The following DOK7 variants were observed in gnomAD, a reference collection of about 807,000 sequenced individuals.
DOK7 encodes protein Dok-7.
In DOK7, 32 loss-of-function variants were observed where a neutral mutation model predicts 30.7. That is an observed-to-expected ratio of 1.04 (90% CI 0.79 to 1.40). The LOEUF is 1.40. Among genes scored for constraint, DOK7 ranks in the 40% most tolerant of loss-of-function variants. The pLI is 0.00. For missense variants in DOK7, 1,007 were observed against 699.2 expected (o/e 1.44, Z -4.97); for synonymous variants, 447 against 324.1 (o/e 1.38, Z -4.07).
intron 2 of DOK7, among the ~76,000 whole-genome samples, chr4:3,468,809 TG>T (rs2109325280): frequency 6.7e-6 from 1 of 148,498 alleles, no homozygotes; most frequent in South Asian, 2.2e-4. Flanking sequence ...TGTGTGTGCC[TG>T]TGTGTGTATG....
At chr4:3,485,759 G>A in intron 5 of DOK7, 101 bp downstream of exon 5, 2 of 1,341,958 alleles carry the variant, frequency 1.5e-6, no homozygotes, top group Admixed American at 3.6e-5. Flanking sequence ...CAGTTAGATG[G>A]CCAGCCTCCC....
chr4:3,488,673 C>G (rs1055712838), intron 5 of DOK7, among the ~76,000 whole-genome samples: 9 of 152,220 alleles, frequency 5.9e-5, no homozygotes, highest in Non-Finnish European at 1.3e-4. Flanking sequence ...GTCCTTGGAC[C>G]TGTTTCGGCT....
intron 5 of DOK7, 95 bp from the exon 6 acceptor site, chr4:3,489,581 AG>A: frequency 1.3e-6 from 2 of 1,542,724 alleles, no homozygotes; most frequent in Non-Finnish European, 1.8e-6. Context: ...CACTCCACAG[AG>A]GGGGATAACC....
rs535066859 is a variant in DOK7, at chr4:3,499,914, C to T, written c.1109-337C>T. On this transcript the variant is annotated intron_variant, in intron 6 of 7. Transcript: ENST00000643608. ...GTTGGTGGAGAGAGTTGGGAAGGTGCGGGGCGAGGGGCGCAGGGACAGAAG... is the reference window on the plus strand; with the variant it reads ...GTTGGTGGAGAGAGTTGGGAAGGTGTGGGGCGAGGGGCGCAGGGACAGAAG... Among the ~76,000 whole-genome samples, 36 of 148,522 alleles carry T rather than the reference C, an allele frequency of 2.4e-4. No individual in the cohort carries two copies. In the East Asian group the frequency reaches 5.6e-3, roughly 23 times the overall value.
downstream of DOK7, among the ~76,000 whole-genome samples, chr4:3,494,689 G>A (rs113523675): frequency 0.023 from 3,525 of 152,334 alleles, 69 homozygotes; most frequent in Non-Finnish European, 0.032. Flanking sequence ...GGGCTGGGAT[G>A]TGCATGTGTG....
chr4:3,463,527 C>T lies in DOK7; in HGVS notation c.76C>T (p.Leu26=). The change falls in exon 2 of 7, where the codon CTG becomes TTG. Residue 26 remains leucine (L), a synonymous_variant. Coordinates refer to ENST00000340083, the MANE Select transcript of DOK7 (RefSeq NM_173660.5). ...GKKWKSRWLV[L]RKPSPVADCL... ...GCAGTGGAAGAGTAGGTGGCTGGTGCTGCGGAAGCCGTCGCCCGTGGCAGG... is the reference window on the plus strand; with the variant it reads ...GCAGTGGAAGAGTAGGTGGCTGGTGTTGCGGAAGCCGTCGCCCGTGGCAGG... The T allele has an allele frequency of 7.5e-7, 1 of 1,336,484 alleles. No individual in the cohort carries two copies. The highest frequency in any genetic ancestry group is 4.4e-5 in the East Asian group (1 of 22,640). 82.8% of individuals were successfully genotyped at this position (1,336,484 alleles called of 1,614,324 possible).
chr4:3,499,129 T>C (rs575689704), downstream of DOK7, among the ~76,000 whole-genome samples: 7 of 152,336 alleles, frequency 4.6e-5, no homozygotes, highest in South Asian at 1.5e-3. Flanking sequence ...GAACCTGGTC[T>C]GCTGAGGATG....
intron 5 of DOK7, among the ~76,000 whole-genome samples, chr4:3,489,473 C>T (rs562629502): frequency 2.0e-5 from 3 of 152,194 alleles, no homozygotes; most frequent in Non-Finnish European, 2.9e-5. Context: ...CCCAGCTGGG[C>T]GCATGGTGGC....
At chr4:3,487,175 G>C (rs1727862444) in intron 5 of DOK7, among the ~76,000 whole-genome samples, 1 of 152,162 alleles carries the variant, frequency 6.6e-6, no homozygotes, top group Admixed American at 6.5e-5. Context: ...GCCTGCAGCT[G>C]TGCCCCCAAG....
At chr4:3,498,436 C>T (rs951880758), downstream of DOK7, among the ~76,000 whole-genome samples, 5 of 152,196 alleles carry the variant, frequency 3.3e-5, no homozygotes, top group African/African-American at 7.2e-5. Context: ...CACCCCTCAC[C>T]GCCCAACCTT....
chr4:3,490,068 C>CCATTCCTTGCTTCACCCCCTCATT (rs1728117626), intron 6 of DOK7, among the ~76,000 whole-genome samples: 1 of 67,528 alleles, frequency 1.5e-5, no homozygotes. Context: ...CTTCCTCCCC[C>CCATTCCTTGCTTCACCCCCTCATT]CATTCCTTTC....
chr4:3,489,985 C>T (rs1378309338), intron 6 of DOK7, among the ~76,000 whole-genome samples, 189 bp downstream of exon 6: 4 of 139,684 alleles, frequency 2.9e-5, no homozygotes, highest in Non-Finnish European at 6.1e-5. Context: ...CCTTCCTTCC[C>T]CACCACCCTG....
intron 4 of DOK7, chr4:3,484,762 C>T (rs1231332624): frequency 2.0e-6 from 2 of 985,372 alleles, no homozygotes; most frequent in African/African-American, 1.7e-5. Flanking sequence ...ACTGGCAGCT[C>T]CAGCTTCCCC....
chr4:3,500,207 C>A (rs181934661), intron 6 of DOK7: 5 of 1,528,934 alleles, frequency 3.3e-6, no homozygotes, highest in Non-Finnish European at 4.4e-6. Context: ...AGATCTGTGC[C>A]CCTCTCGGTC....
rs778266118 is a variant in DOK7 at position 3,493,307 on chromosome 4, G to A, written c.1321G>A (p.Gly441Arg). The A allele has an allele frequency of 2.8e-5, 45 of 1,605,842 alleles. No homozygotes were observed. Among genetic ancestry groups the A allele is most frequent in the Admixed American group, 1.2e-4 (7 of 59,294 alleles). The change falls in exon 7 of 7, where the codon GGG (glycine) becomes AGG (arginine). Residue 441 changes from glycine to arginine, a missense_variant. By Grantham distance (125) the Gly-to-Arg change is moderately radical. Coordinates refer to ENST00000340083, the MANE Select transcript of DOK7 (RefSeq NM_173660.5). ...ARDSGGQTSA[G>R]CPSGWLGTRR... ...GGACTCAGGCGGCCAGACGTCCGCCGGGTGTCCCTCTGGCTGGCTGGGCAC... is the reference window on the plus strand; with the variant it reads ...GGACTCAGGCGGCCAGACGTCCGCCAGGTGTCCCTCTGGCTGGCTGGGCAC...
At chr4:3,464,432 C>T (rs1313731178) in intron 2 of DOK7, among the ~76,000 whole-genome samples, 1 of 152,206 alleles carries the variant, frequency 6.6e-6, no homozygotes, top group African/African-American at 2.4e-5. Flanking sequence ...GCACGCTGGT[C>T]ACTTCTCCAC....
In DOK7 at chr4:3,463,486, G is replaced by T. The variant is rs1726090193; in HGVS notation, c.55-20G>T. 1 of 1,446,070 alleles carries T rather than the reference G, an allele frequency of 6.9e-7. No homozygotes were observed. Among genetic ancestry groups the T allele is most frequent in the Non-Finnish European group, 9.1e-7 (1 of 1,103,302 alleles). 89.6% of individuals were successfully genotyped at this position (1,446,070 alleles called of 1,614,324 possible). On this transcript the variant is annotated intron_variant, in intron 1 of 6. Transcript: ENST00000340083. ...GGCGCGGGCGCGGGCGGCGGCTCAC[G>T]CTCCCCCCTGTCCCCGCAGTGGAAG...
chr4:3,492,612 T>G, intron 6 of DOK7, 147 bp from the exon 7 acceptor site: 1 of 1,067,928 alleles, frequency 9.4e-7, no homozygotes, highest in Non-Finnish European at 1.4e-6. Context: ...GAAGCCAGGT[T>G]TCTGCTGTAG....
exon 8 of DOK7, chr4:3,500,775 C>G (rs777433060): frequency 1.4e-5 from 22 of 1,534,514 alleles, no homozygotes; most frequent in Admixed American, 2.0e-5. Flanking sequence ...CGCACGGGCC[C>G]GGGAGGAGCA....
Sources: allele counts gnomAD v4.1 joint callset (sites outside exome capture counted in the v4.1 genomes callset), GRCh38; gene constraint gnomAD v4.1.1; transcripts MANE v1.5; gene names NCBI Gene and HGNC (gene_info 2026-07-23, HGNC 2026-07-21).